STPG2: variants seen among roughly 807,000 people sequenced by gnomAD.
STPG2 encodes sperm-tail PG-rich repeat-containing protein 2.
Under a neutral mutation model 54.2 loss-of-function variants are expected in STPG2, and 56 were observed. The observed-to-expected ratio is 1.03, with a 90% CI of 0.83 to 1.29. The LOEUF is 1.29. Ranked by LOEUF, STPG2 falls within the 50% of genes most tolerant of loss-of-function variation. The pLI is 0.00. For missense variants in STPG2, 596 were observed against 544.9 expected, an observed-to-expected ratio of 1.09 and a Z score of -0.93; for synonymous variants, 200 against 181.8, an observed-to-expected ratio of 1.10 and a Z score of -0.81.
intron 10 of STPG2, among the ~76,000 whole-genome samples, chr4:97,562,327 C>T (rs1477612885): frequency 7.2e-5 from 11 of 152,034 alleles, no homozygotes; most frequent in Non-Finnish European, 1.0e-4. Context: ...CTTATCAGCT[C>T]AAGGAGATTT....
At chr4:97,659,275 A>AT (rs1315145141) in intron 10 of STPG2, among the ~76,000 whole-genome samples, 1 of 152,198 alleles carries the variant, frequency 6.6e-6, no homozygotes, top group East Asian at 1.9e-4. Flanking sequence ...AAAAAACAAA[A>AT]TAACTTCAGT....
In STPG2 at chr4:97,478,723, C is replaced by T. The variant is rs200798341; in HGVS notation, c.462+233976G>A. ...AAATTTTAATTTCATTATGCTATCACGATTGCCTAATAATTCAAAATGACT... is the reference window on the plus strand; with the variant it reads ...AAATTTTAATTTCATTATGCTATCATGATTGCCTAATAATTCAAAATGACT... On this transcript the variant is annotated intron_variant, in intron 4 of 4. Transcript: ENST00000522676. Among the ~76,000 whole-genome samples the T allele has an allele frequency of 1.3e-4, 19 of 151,874 alleles. No homozygotes were observed. In the East Asian group the frequency reaches 2.7e-3, roughly 22 times the overall value.
At chr4:97,908,305 C>T (rs895919416) in intron 8 of STPG2, among the ~76,000 whole-genome samples, 1 of 151,936 alleles carries the variant, frequency 6.6e-6, no homozygotes, top group Middle Eastern at 3.2e-3. Context: ...CAAATCAAAA[C>T]CACAATGAGA....
chr4:97,493,009 G>C (rs992714807), intron 4 of STPG2, among the ~76,000 whole-genome samples: 2 of 149,708 alleles, frequency 1.3e-5, no homozygotes, highest in African/African-American at 4.9e-5. Context: ...GTAATGTCCT[G>C]AGATTTCTGA....
intron 4 of STPG2, among the ~76,000 whole-genome samples, chr4:97,515,689 A>C (rs1033443079): frequency 6.6e-6 from 1 of 152,098 alleles, no homozygotes. Flanking sequence ...TAACTTTTAA[A>C]AAAGGTACTT....
chr4:97,858,814 G>A (rs1729416284), intron 8 of STPG2, among the ~76,000 whole-genome samples: 3 of 152,174 alleles, frequency 2.0e-5, no homozygotes, highest in Non-Finnish European at 4.4e-5. Context: ...GGACATTAAA[G>A]CTGATACCAT....
intron 10 of STPG2, among the ~76,000 whole-genome samples, chr4:97,687,801 GA>G (rs1723246284): frequency 6.6e-6 from 1 of 152,116 alleles, no homozygotes; most frequent in Non-Finnish European, 1.5e-5. Context: ...AACATAAAAG[GA>G]AAAGAACCTG....
chr4:97,647,847 T>A (rs2148950761), intron 10 of STPG2, among the ~76,000 whole-genome samples: 1 of 152,238 alleles, frequency 6.6e-6, no homozygotes, highest in South Asian at 2.1e-4. Context: ...CAGTGAGCCA[T>A]CTGGTAGTCC....
intron 10 of STPG2, among the ~76,000 whole-genome samples, chr4:97,597,488 A>G (rs1242417949): frequency 6.6e-6 from 1 of 152,158 alleles, no homozygotes; most frequent in Non-Finnish European, 1.5e-5. Flanking sequence ...TCCTTCAACG[A>G]AACTCTAGCA....
At chr4:98,037,468 T>A (rs778147808) in intron 5 of STPG2, among the ~76,000 whole-genome samples, 18 of 152,010 alleles carry the variant, frequency 1.2e-4, no homozygotes, top group Non-Finnish European at 2.5e-4. Context: ...TAATAAAAGA[T>A]ATGTCCCAAA....
intron 10 of STPG2, among the ~76,000 whole-genome samples, chr4:97,665,750 C>A (rs1477427599): frequency 6.6e-6 from 1 of 152,074 alleles, no homozygotes; most frequent in Non-Finnish European, 1.5e-5. Flanking sequence ...CAGACCAGCA[C>A]CAAGCTGCCC....
At chr4:97,886,330 A>G (rs960962880) in intron 8 of STPG2, among the ~76,000 whole-genome samples, 2 of 152,240 alleles carry the variant, frequency 1.3e-5, no homozygotes, top group South Asian at 2.1e-4. Context: ...GCTTTATGCC[A>G]GTAGAAAACA....
Position 98,138,600 on chromosome 4 carries a change from T to C in STPG2, c.110-4141A>G, listed in dbSNP as rs547409020. On this transcript the variant is annotated intron_variant, in intron 1 of 10. Transcript: ENST00000295268. ...GTAATTAGATCTTTGAAATATGTAC[T>C]CATCTTCAGGACAACAACATATACA... 1.3e-3 allele frequency among the ~76,000 whole-genome samples: 204 copies of C among 152,268 alleles called. 1 individual carries two copies. Among genetic ancestry groups the C allele is most frequent in the Non-Finnish European group, 2.6e-3 (179 of 68,008 alleles).
At chr4:97,705,228 A>T (rs1242273319) in intron 10 of STPG2, among the ~76,000 whole-genome samples, 1 of 152,136 alleles carries the variant, frequency 6.6e-6, no homozygotes, top group Non-Finnish European at 1.5e-5. Context: ...TTTGCCTAGA[A>T]AAAGCCCCAT....
chr4:97,994,177 T>C (rs1735120888), intron 5 of STPG2, among the ~76,000 whole-genome samples: 1 of 152,136 alleles, frequency 6.6e-6, no homozygotes, highest in African/African-American at 2.4e-5. Flanking sequence ...ATTCTTACCA[T>C]TCAGTTCAAA....
At chr4:97,969,972 A>G (rs896075538) in intron 7 of STPG2, among the ~76,000 whole-genome samples, 1 of 152,242 alleles carries the variant, frequency 6.6e-6, no homozygotes, top group Non-Finnish European at 1.5e-5. Context: ...CTCTGGATAC[A>G]AAATCAATGT....
chr4:97,865,591 T>C (rs998779302), intron 8 of STPG2, among the ~76,000 whole-genome samples: 1 of 151,928 alleles, frequency 6.6e-6, no homozygotes, highest in African/African-American at 2.4e-5. Flanking sequence ...TTACTGGGTG[T>C]ATACCCAGGA....
chr4:97,541,741 C>A (rs1560651863), intron 4 of STPG2, among the ~76,000 whole-genome samples: 1 of 152,104 alleles, frequency 6.6e-6, no homozygotes, highest in East Asian at 1.9e-4. Context: ...CTACAGTAAC[C>A]AAAACAGCAT....
At chr4:97,970,577 T>A (rs1734289398) in intron 7 of STPG2, among the ~76,000 whole-genome samples, 1 of 152,194 alleles carries the variant, frequency 6.6e-6, no homozygotes, top group African/African-American at 2.4e-5. Flanking sequence ...CCCTATTTAA[T>A]AAATGATGTT....
Sources: gnomAD v4.1 joint callset for allele counts (sites outside exome capture counted in the v4.1 genomes callset) on GRCh38, gnomAD v4.1.1 for gene constraint, MANE v1.5 for transcripts, NCBI Gene and HGNC (gene_info 2026-07-23, HGNC 2026-07-21) for gene names.